Variants in WWOX observed in about 807,000 individuals in gnomAD.
WWOX encodes the protein WW domain-containing oxidoreductase.
In WWOX, 69 loss-of-function variants were observed where a neutral mutation model predicts 46.2. The observed-to-expected ratio is 1.49, with a 90% CI of 1.23 to 1.82. WWOX has a LOEUF of 1.82. Ranked by LOEUF, WWOX falls within the 40% of genes most tolerant of loss-of-function variation. WWOX has a pLI of 0.00. For synonymous variants in WWOX, 359 were observed against 202.6 expected (o/e 1.77, Z -6.56); for missense variants, 919 against 542.6 (o/e 1.69, Z -6.89).
chr16:78,425,656 C>A (rs1199156614), intron 7 of WWOX, among the ~76,000 whole-genome samples: 1 of 152,082 alleles, frequency 6.6e-6, no homozygotes, highest in Non-Finnish European at 1.5e-5. Flanking sequence ...AAAATTTCCT[C>A]GTATTTTCAG....
At chr16:78,732,458 G>T (rs903389194) in intron 8 of WWOX, among the ~76,000 whole-genome samples, 1 of 152,160 alleles carries the variant, frequency 6.6e-6, no homozygotes, top group Non-Finnish European at 1.5e-5. Flanking sequence ...GATGATTCCA[G>T]TTTCCAAACA....
chr16:79,083,451 G>A (rs1388863958), intron 8 of WWOX, among the ~76,000 whole-genome samples: 1 of 152,024 alleles, frequency 6.6e-6, no homozygotes, highest in Non-Finnish European at 1.5e-5. Flanking sequence ...ACAAAGCTGT[G>A]TAAAGTCACT....
chr16:78,281,634 G>C (rs2079680122), intron 5 of WWOX, among the ~76,000 whole-genome samples: 1 of 152,142 alleles, frequency 6.6e-6, no homozygotes, highest in African/African-American at 2.4e-5. Flanking sequence ...GACATGTAAA[G>C]GAGCAGGCAT....
At position 79,211,903 on chromosome 16, in the gene WWOX, G is replaced by C; in HGVS notation, c.*107G>C. 1.3e-6 allele frequency: 2 copies of C among 1,556,602 alleles called. No individual in the cohort carries two copies. Among genetic ancestry groups the C allele is most frequent in the South Asian group, 1.2e-5 (1 of 86,008 alleles). ...ATGTCCCTCCAACACAGATCCGCAA[G>C]AGTAAAGGAAATAAGAGCAGTCACA... On this transcript the variant is annotated 3_prime_UTR_variant, in exon 9 of 9. Coordinates refer to ENST00000566780, the MANE Select transcript of WWOX (RefSeq NM_016373.4).
At chr16:78,421,626 TA>T (rs1356942709) in intron 6 of WWOX, among the ~76,000 whole-genome samples, 3 of 152,174 alleles carry the variant, frequency 2.0e-5, no homozygotes, top group Non-Finnish European at 2.9e-5. Context: ...TTCAACCCAC[TA>T]TAAAGCAGTG....
intron 5 of WWOX, among the ~76,000 whole-genome samples, chr16:78,346,726 A>C (rs1363421372): frequency 8.4e-6 from 1 of 118,578 alleles, no homozygotes; most frequent in East Asian, 1.9e-4. Context: ...TTTTTTTGAG[A>C]TGGAGTCTCG....
chr16:78,209,485 G>A (rs904012094), intron 5 of WWOX, among the ~76,000 whole-genome samples: 5 of 152,164 alleles, frequency 3.3e-5, no homozygotes, highest in African/African-American at 9.7e-5. Context: ...AATTGTCTTA[G>A]GCCCAAAGTG....
chr16:78,118,623 G>T (rs2032933725), intron 4 of WWOX, among the ~76,000 whole-genome samples: 1 of 152,150 alleles, frequency 6.6e-6, no homozygotes, highest in Non-Finnish European at 1.5e-5. Context: ...GTTACCAGAA[G>T]AGTCGCCCAG....
chr16:79,022,773 T>G (rs895564189), intron 8 of WWOX, among the ~76,000 whole-genome samples: 2 of 152,206 alleles, frequency 1.3e-5, no homozygotes, highest in African/African-American at 4.8e-5. Context: ...GTGGCACATG[T>G]CAGCGGCTTT....
intron 8 of WWOX, among the ~76,000 whole-genome samples, chr16:78,476,527 G>C (rs2084352090): frequency 6.6e-6 from 1 of 151,968 alleles, no homozygotes; most frequent in Non-Finnish European, 1.5e-5. Flanking sequence ...AATGGGTGCA[G>C]CACACCAACA....
At chr16:78,573,217 C>T (rs1334167729) in intron 8 of WWOX, among the ~76,000 whole-genome samples, 2 of 151,962 alleles carry the variant, frequency 1.3e-5, no homozygotes, top group Non-Finnish European at 2.9e-5. Flanking sequence ...ACCCAGGAGG[C>T]AGAGCTTGCA....
chr16:79,034,227 C>T (rs559716331), intron 8 of WWOX, among the ~76,000 whole-genome samples: 3 of 152,278 alleles, frequency 2.0e-5, no homozygotes, highest in South Asian at 2.1e-4. Flanking sequence ...CCTAAAAAGC[C>T]TCATGCCCAA....
intron 8 of WWOX, among the ~76,000 whole-genome samples, chr16:79,083,321 C>G (rs1284333614): frequency 6.6e-6 from 1 of 152,128 alleles, no homozygotes; most frequent in Admixed American, 6.5e-5. Context: ...TCACCCTGAC[C>G]CCTTCCTATG....
intron 8 of WWOX, among the ~76,000 whole-genome samples, chr16:79,172,463 C>T (rs558371104): frequency 7.2e-4 from 109 of 152,270 alleles, no homozygotes; most frequent in Non-Finnish European, 1.3e-3. Flanking sequence ...ATCTTGGTAC[C>T]TGTAGTCCCG....
intron 8 of WWOX, among the ~76,000 whole-genome samples, chr16:78,642,358 G>A (rs576430328): frequency 2.0e-5 from 3 of 152,176 alleles, no homozygotes; most frequent in Non-Finnish European, 2.9e-5. Flanking sequence ...CAGATTCCTT[G>A]TTCTGTCCCT....
At chr16:79,011,574 C>G (rs1227779862) in intron 8 of WWOX, among the ~76,000 whole-genome samples, 1 of 151,688 alleles carries the variant, frequency 6.6e-6, no homozygotes, top group Admixed American at 6.6e-5. Context: ...TCACCACAGC[C>G]TCAGCCTCCC....
intron 8 of WWOX, among the ~76,000 whole-genome samples, chr16:78,674,178 G>T (rs1001860090): frequency 1.7e-4 from 26 of 152,010 alleles, no homozygotes; most frequent in African/African-American, 6.3e-4. Flanking sequence ...TTATTGTTTT[G>T]GTTGGATGAA....
rs566179516 is a variant in WWOX, at chr16:78,979,466, A to G, written c.1057-232142A>G. 4.6e-5 allele frequency among the ~76,000 whole-genome samples: 7 copies of G among 152,260 alleles called. No homozygotes were observed. In the South Asian group the frequency reaches 8.3e-4, roughly 18 times the overall value. On this transcript the variant is annotated intron_variant, in intron 8 of 8. Coordinates refer to ENST00000566780, the MANE Select transcript of WWOX (RefSeq NM_016373.4). Reference sequence around the variant, plus strand: ...GGCTCCCCCATCGAGGTGCTCAGATATGGTGGCCACTGCATGATTTTGCTC... The same window carrying G: ...GGCTCCCCCATCGAGGTGCTCAGATGTGGTGGCCACTGCATGATTTTGCTC...
At chr16:79,036,185 C>A (rs951570383) in intron 8 of WWOX, among the ~76,000 whole-genome samples, 1 of 152,202 alleles carries the variant, frequency 6.6e-6, no homozygotes, top group Non-Finnish European at 1.5e-5. Context: ...GTTTCACCCT[C>A]TTCAAGTAGC....
Sources: allele counts gnomAD v4.1 joint callset (sites outside exome capture counted in the v4.1 genomes callset), GRCh38; gene constraint gnomAD v4.1.1; transcripts MANE v1.5; gene names NCBI Gene and HGNC (gene_info 2026-07-23, HGNC 2026-07-21).